The following BNC1 variants were observed in gnomAD, a reference collection of about 807,000 sequenced individuals.
BNC1 encodes zinc finger protein basonuclin-1.
BNC1 carries 8 observed loss-of-function variants against 66.5 expected under a neutral mutation model. That is an observed-to-expected ratio of 0.12 (90% CI 0.07 to 0.22). The LOEUF (loss-of-function observed/expected upper bound fraction) is 0.22, where lower values mean the gene tolerates loss of function less well. Ranked by LOEUF, BNC1 falls within the 10% of genes least tolerant of loss-of-function variation. BNC1 has a pLI of 1.00. For missense variants in BNC1, 1,069 were observed against 1,241.3 expected, an observed-to-expected ratio of 0.86 and a Z score of 2.09; for synonymous variants, 454 against 452.6, an observed-to-expected ratio of 1.00 and a Z score of -0.04.
intron 1 of BNC1, among the ~76,000 whole-genome samples, chr15:83,270,240 TCA>T (rs1328561088): frequency 5.3e-5 from 8 of 152,230 alleles, no homozygotes; most frequent in Admixed American, 5.2e-4. Flanking sequence ...TTTAGCATAT[TCA>T]CAGAGTTATG....
intron 4 of BNC1, 120 bp from the exon 5 acceptor site, chr15:83,258,246 AG>A: frequency 2.9e-6 from 3 of 1,046,086 alleles, no homozygotes; most frequent in Non-Finnish European, 2.7e-6. Context: ...ACCGATGATA[AG>A]GGGGTAGGCC....
Position 83,257,158 on chromosome 15 carries a change from C to G in BNC1, c.*284G>C, listed in dbSNP as rs1254429969. ...TCGATCTGCAGACCTGGATCTGTCC[C>G]AGGGAACATGTAAACAAATCTGGGA... On this transcript the variant is annotated 3_prime_UTR_variant, in exon 5 of 5. Transcript: ENST00000345382. 1 of 468,992 alleles carries G rather than the reference C, an allele frequency of 2.1e-6. No individual in the cohort carries two copies. Among genetic ancestry groups the G allele is most frequent in the East Asian group, 4.1e-5 (1 of 24,212 alleles). The allele number at this position is 468,992 out of a possible 1,614,324, so 29.1% of individuals were successfully genotyped here.
intron 1 of BNC1, among the ~76,000 whole-genome samples, chr15:83,272,439 G>A (rs28523446): frequency 0.14 from 18,753 of 137,704 alleles, 1,980 homozygotes; most frequent in African/African-American, 0.31. Flanking sequence ...GTTTTGCCAT[G>A]TTGGCCAGGC....
chr15:83,283,144 C>T (rs2038399116), intron 1 of BNC1: 23 of 1,535,588 alleles, frequency 1.5e-5, no homozygotes, highest in Non-Finnish European at 1.8e-5. Flanking sequence ...CTGTCAGACT[C>T]GGAGCGGTGG....
At chr15:83,268,078 C>T in intron 2 of BNC1, 55 bp downstream of exon 2, 1 of 1,438,882 alleles carries the variant, frequency 6.9e-7, no homozygotes, top group Non-Finnish European at 9.8e-7. Context: ...CTGAATAACT[C>T]TAAGTTACTT....
At chr15:83,261,661 A>C (rs1204808974) in intron 4 of BNC1, among the ~76,000 whole-genome samples, 1 of 152,260 alleles carries the variant, frequency 6.6e-6, no homozygotes, top group Admixed American at 6.5e-5. Context: ...CAAGCAAGAC[A>C]GTAACACCAC....
chr15:83,274,906 T>A (rs1030078219), intron 1 of BNC1, among the ~76,000 whole-genome samples: 2 of 152,136 alleles, frequency 1.3e-5, no homozygotes, highest in African/African-American at 4.8e-5. Context: ...GAAATATCAG[T>A]ATTTGGTGCT....
rs763318317 is a variant in BNC1 at position 83,263,632 on chromosome 15, G to A, written c.1619C>T (p.Ser540Phe). ...TTTCTCTATTTTGATAGGCATACTG[G>A]ACTTCCTGGATTTCTTCTTGGGAAG... ...DALPKKKSRK[S>F]SMPIKIEKEA... The change falls in exon 4 of 5, where the codon TCC becomes TTC. Residue 540 changes from serine (S) to phenylalanine (F), a missense_variant. Physicochemically the swap from Ser to Phe is radical, Grantham distance 155. Transcript: ENST00000345382. The A allele has an allele frequency of 6.2e-7, 1 of 1,614,058 alleles. No individual in the cohort carries two copies. Among genetic ancestry groups the A allele is most frequent in the African/African-American group, 1.3e-5 (1 of 74,910 alleles).
chr15:83,271,907 T>C (rs1329385319), intron 1 of BNC1, among the ~76,000 whole-genome samples: 4 of 152,244 alleles, frequency 2.6e-5, no homozygotes, highest in Non-Finnish European at 5.9e-5. Context: ...ACCTTGAATG[T>C]AAGTTAAAGG....
At chr15:83,279,495 T>A (rs2038358179) in intron 1 of BNC1, among the ~76,000 whole-genome samples, 1 of 152,166 alleles carries the variant, frequency 6.6e-6, no homozygotes, top group Admixed American at 6.5e-5. Context: ...CATGCTCTCA[T>A]CAGTGCATGC....
At chr15:83,283,135 T>C in intron 1 of BNC1, 1 of 1,535,056 alleles carries the variant, frequency 6.5e-7, no homozygotes, top group African/African-American at 1.4e-5. Context: ...TCCACTTAAC[T>C]GTCAGACTCG....
At chr15:83,274,334 G>A (rs2038298122) in intron 1 of BNC1, among the ~76,000 whole-genome samples, 2 of 152,210 alleles carry the variant, frequency 1.3e-5, no homozygotes, top group African/African-American at 2.4e-5. Flanking sequence ...GCAGTGAGCT[G>A]AGATCGCGCC....
Position 83,273,768 on chromosome 15 carries a change from G to C in BNC1, c.100-5536C>G, listed in dbSNP as rs377197389. Among the ~76,000 whole-genome samples the C allele has an allele frequency of 4.6e-5, 7 of 152,276 alleles. No individual in the cohort carries two copies. In the East Asian group the frequency reaches 1.4e-3, roughly 29 times the overall value. On this transcript the variant is annotated intron_variant, in intron 1 of 4. Coordinates refer to ENST00000345382, the MANE Select transcript of BNC1 (RefSeq NM_001717.4). ...ACACCCTGTTCTACCTTTGGCTTGA[G>C]GAGATGCTACCACAGGCCTCTTGTC... is the stretch of plus-strand genomic sequence containing the variant.
Position 83,257,312 on chromosome 15 carries a change from A to G in BNC1, c.*130T>C. On this transcript the variant is annotated 3_prime_UTR_variant, in exon 5 of 5. Coordinates refer to ENST00000345382, the MANE Select transcript of BNC1 (RefSeq NM_001717.4). The stretch of plus-strand genomic sequence containing the variant: ...TCTTTTGCTCATTGTGCTGTGGAAA[A>G]CTATAAAGTCAAATCAAATACTTTT... 1 of 1,094,826 alleles carries G rather than the reference A, an allele frequency of 9.1e-7. No homozygotes were observed. Among genetic ancestry groups the G allele is most frequent in the South Asian group, 1.6e-5 (1 of 63,242 alleles). 67.8% of individuals were successfully genotyped at this position (1,094,826 alleles called of 1,614,324 possible).
chr15:83,282,478 G>C (rs1196462015), intron 1 of BNC1, among the ~76,000 whole-genome samples: 2 of 152,132 alleles, frequency 1.3e-5, no homozygotes. Flanking sequence ...AGTACAATTT[G>C]TAACATCTGA....
In BNC1 at chr15:83,266,926, G is replaced by A; in HGVS notation, c.345C>T (p.Leu115=). ...PVRLKILLDR[L]FSVLKQDEVL... ...CCTCATCTTGCTTCAACACACTGAA[G>A]AGCCGGTCCAGTAGGATTTTTAGGC... The change falls in exon 3 of 5, where the codon CTC becomes CTT. Residue 115 remains leucine (L), a synonymous_variant. Transcript: ENST00000345382. 3 of 1,614,190 alleles carry A rather than the reference G, an allele frequency of 1.9e-6. No homozygotes were observed. Among genetic ancestry groups the A allele is most frequent in the Non-Finnish European group, 2.5e-6 (3 of 1,180,046 alleles).
rs769781455 is a variant in BNC1 at position 83,264,468 on chromosome 15, G to T, written c.783C>A (p.Pro261=). 1.9e-6 allele frequency: 3 copies of T among 1,614,086 alleles called. No homozygotes were observed. In the South Asian group the frequency reaches 3.3e-5, roughly 18 times the overall value. ...GACCCTGCTCCAACATATATTGTTCGGGCAATGACCCTATCAGTGCAGGAG... is the reference window on the plus strand; with the variant it reads ...GACCCTGCTCCAACATATATTGTTCTGGCAATGACCCTATCAGTGCAGGAG... ...PLPPALIGSL[P]EQYMLEQGHD... The change falls in exon 4 of 5, where the codon CCC becomes CCA. Residue 261 remains proline, a synonymous_variant. Coordinates refer to ENST00000345382, the MANE Select transcript of BNC1 (RefSeq NM_001717.4).
At chr15:83,283,462 C>G in intron 1 of BNC1, 3 of 1,208,954 alleles carry the variant, frequency 2.5e-6, no homozygotes, top group Non-Finnish European at 3.1e-6. Context: ...ACCGACGGGG[C>G]GCTCCCGAGA....
chr15:83,260,108 C>T (rs2038124321), intron 4 of BNC1, among the ~76,000 whole-genome samples: 1 of 152,134 alleles, frequency 6.6e-6, no homozygotes, highest in Admixed American at 6.6e-5. Flanking sequence ...TTTCATAATA[C>T]TAAGATATTA....
Sources: allele counts gnomAD v4.1 joint callset (sites outside exome capture counted in the v4.1 genomes callset), GRCh38; gene constraint gnomAD v4.1.1; transcripts MANE v1.5; gene names NCBI Gene and HGNC (gene_info 2026-07-23, HGNC 2026-07-21).